ANGPT2: variants seen among roughly 807,000 people sequenced by gnomAD.
ANGPT2 encodes angiopoietin 2.
A neutral mutation model predicts 62.9 loss-of-function variants in ANGPT2; 28 were observed. That is an observed-to-expected ratio of 0.44 (90% CI 0.33 to 0.61). The LOEUF is 0.61. Ranked by LOEUF, ANGPT2 falls within the 20% of genes least tolerant of loss-of-function variation. ANGPT2 has a pLI of 0.03. For missense variants in ANGPT2, 727 were observed against 594.9 expected, an observed-to-expected ratio of 1.22 and a Z score of -2.31; for synonymous variants, 284 against 207.8, an observed-to-expected ratio of 1.37 and a Z score of -3.15.
chr8:6,504,041 G>A lies in ANGPT2; in HGVS notation c.1328-780C>T, dbSNP rs530552842. Among the ~76,000 whole-genome samples the A allele has an allele frequency of 9.2e-5, 14 of 152,324 alleles. No individual in the cohort carries two copies. In the South Asian group the frequency reaches 2.7e-3, roughly 29 times the overall value. ...TAGAAATATTCTATAAGCAGGGGCC[G>A]GGCGCAGTGGCTCACGCCTGTAATC... On this transcript the variant is annotated intron_variant, in intron 8 of 8. Transcript: ENST00000629816.
At chr8:6,508,555 A>C in intron 8 of ANGPT2, 2 of 369,914 alleles carry the variant, frequency 5.4e-6, no homozygotes, top group Non-Finnish European at 9.5e-6. Flanking sequence ...TCTATAATCT[A>C]TATTACTGTT....
chr8:6,508,470 G>C (rs148009730), intron 8 of ANGPT2: 10 of 185,014 alleles, frequency 5.4e-5, no homozygotes, highest in African/African-American at 2.4e-4. Context: ...TGGAGACTGT[G>C]TCTGTAAATA....
At chr8:6,528,817 C>A (rs141137144) in intron 2 of ANGPT2, among the ~76,000 whole-genome samples, 3 of 152,192 alleles carry the variant, frequency 2.0e-5, no homozygotes, top group Non-Finnish European at 4.4e-5. Context: ...TTGCAGGAGC[C>A]TTGGCTGGTC....
rs71213313 is a variant in ANGPT2 at position 6,527,899 on chromosome 8, A to ATTTTTTTTTT, written c.445-233_445-224dup. Among the ~76,000 whole-genome samples the ATTTTTTTTTT allele has an allele frequency of 1.6e-3, 213 of 133,124 alleles. 15 individuals carry two copies. Among genetic ancestry groups the ATTTTTTTTTT allele is most frequent in the South Asian group, 4.0e-3 (16 of 4,040 alleles). The allele number at this position is 133,124 out of a possible 152,430, so 87.3% of individuals were successfully genotyped here. Reference sequence around the variant, plus strand: ...TTTTTACTCTTTTCCCCACGTCTCTATTTTTTTTTTTTTTGAGATGGAATC... The same window carrying ATTTTTTTTTT: ...TTTTTACTCTTTTCCCCACGTCTCTATTTTTTTTTTTTTTTTTTTTTTTTGAGATGGAATC... On this transcript the variant is annotated intron_variant, in intron 2 of 8. Transcript: ENST00000629816.
chr8:6,557,003 C>G (rs985975070), intron 1 of ANGPT2, among the ~76,000 whole-genome samples: 1 of 152,104 alleles, frequency 6.6e-6, no homozygotes, highest in African/African-American at 2.4e-5. Flanking sequence ...TTGCATGGCT[C>G]CTGCCCCAAA....
At chr8:6,506,976 C>G (rs925088659) in intron 8 of ANGPT2, among the ~76,000 whole-genome samples, 2 of 151,950 alleles carry the variant, frequency 1.3e-5, no homozygotes, top group Non-Finnish European at 2.9e-5. Flanking sequence ...CGGCTCATTG[C>G]AAACTCTGTC....
chr8:6,520,981 T>A (rs1817228337), intron 4 of ANGPT2, among the ~76,000 whole-genome samples, 197 bp downstream of exon 4: 1 of 152,200 alleles, frequency 6.6e-6, no homozygotes, highest in Non-Finnish European at 1.5e-5. Context: ...AAAAGTATGC[T>A]TGGGGTGTTT....
chr8:6,505,320 GT>G lies in ANGPT2; in HGVS notation c.1328-2060del, dbSNP rs556583432. On this transcript the variant is annotated intron_variant, in intron 8 of 8. Coordinates refer to ENST00000629816, the MANE Select transcript of ANGPT2 (RefSeq NM_001118887.2). ...ATATATATGTATATAACATATATAT[GT>G]TATATACATATAGAAAGAATATATA... Among the ~76,000 whole-genome samples, 192 of 48,548 alleles carry G rather than the reference GT, an allele frequency of 4.0e-3. 28 individuals carry two copies. Among genetic ancestry groups the G allele is most frequent in the African/African-American group, 0.02 (172 of 8,494 alleles). The allele number at this position is 48,548 out of a possible 152,430, so 31.8% of individuals were successfully genotyped here.
intron 1 of ANGPT2, among the ~76,000 whole-genome samples, chr8:6,533,696 A>G (rs940601601): frequency 1.1e-4 from 16 of 151,282 alleles, no homozygotes; most frequent in Admixed American, 9.3e-4. Flanking sequence ...TGTAACAAAC[A>G]TTGTTTATTA....
rs1292634721 is a variant in ANGPT2 at position 6,502,421 on chromosome 8, G to C, written c.*680C>G. The C allele has an allele frequency of 6.6e-6, 1 of 152,110 alleles. No homozygotes were observed. Among genetic ancestry groups the C allele is most frequent in the Non-Finnish European group, 1.5e-5 (1 of 68,024 alleles). 9.4% of individuals were successfully genotyped at this position (152,110 alleles called of 1,614,324 possible). A position where few individuals can be genotyped will look rare whatever the true frequency, so the allele number is the denominator to read the frequency against. ...TCTGTTGATAATTTCAGAGATTCTG[G>C]AAGTTTCTACCATATAAATTTGAAA... On this transcript the variant is annotated 3_prime_UTR_variant, in exon 9 of 9. Coordinates refer to ENST00000629816, the MANE Select transcript of ANGPT2 (RefSeq NM_001118887.2).
chr8:6,538,358 C>A (rs563280210), intron 1 of ANGPT2, among the ~76,000 whole-genome samples: 1 of 152,220 alleles, frequency 6.6e-6, no homozygotes, highest in Non-Finnish European at 1.5e-5. Context: ...TTGCTGGCCA[C>A]GCATCCCCCA....
intron 1 of ANGPT2, among the ~76,000 whole-genome samples, chr8:6,536,197 C>T (rs1820455175): frequency 6.6e-6 from 1 of 152,048 alleles, no homozygotes; most frequent in Non-Finnish European, 1.5e-5. Context: ...GTATATTTAG[C>T]CCCAGAAACA....
intron 1 of ANGPT2, among the ~76,000 whole-genome samples, chr8:6,544,682 A>G (rs1301793842): frequency 3.3e-5 from 5 of 152,182 alleles, no homozygotes; most frequent in Non-Finnish European, 4.4e-5. Context: ...TCCTCATTCT[A>G]AAGTAATTTT....
In ANGPT2 at chr8:6,499,919, C is replaced by T; in HGVS notation, c.*3182G>A. On this transcript the variant is annotated 3_prime_UTR_variant, in exon 9 of 9. Coordinates refer to ENST00000629816, the MANE Select transcript of ANGPT2 (RefSeq NM_001118887.2). ...CCGTTCGAACTGTCTCACCACTTCC[C>T]TGCAGCTCCCGTAAGTCAGATGTTG... 1.2e-6 allele frequency: 2 copies of T among 1,613,646 alleles called. No homozygotes were observed. Among genetic ancestry groups the T allele is most frequent in the Non-Finnish European group, 1.7e-6 (2 of 1,179,864 alleles).
In ANGPT2 at chr8:6,500,619, C is replaced by A. The variant is rs1231392334; in HGVS notation, c.*2482G>T. 1 of 152,182 alleles carries A rather than the reference C, an allele frequency of 6.6e-6. No individual in the cohort carries two copies. Among genetic ancestry groups the A allele is most frequent in the African/African-American group, 2.4e-5 (1 of 41,408 alleles). 9.4% of individuals were successfully genotyped at this position (152,182 alleles called of 1,614,324 possible). A position where few individuals can be genotyped will look rare whatever the true frequency, so the allele number is the denominator to read the frequency against. Reference sequence around the variant, plus strand: ...ACATAACAAGGAGTTGAACTGTGCTCCCTGATCACTGTAGTTATCTAGGTT... The same window carrying A: ...ACATAACAAGGAGTTGAACTGTGCTACCTGATCACTGTAGTTATCTAGGTT... On this transcript the variant is annotated 3_prime_UTR_variant, in exon 9 of 9. Transcript: ENST00000629816.
chr8:6,525,815 C>G (rs1221679107), intron 3 of ANGPT2, among the ~76,000 whole-genome samples: 1 of 152,122 alleles, frequency 6.6e-6, no homozygotes, highest in Non-Finnish European at 1.5e-5. Flanking sequence ...ATTTCTACAG[C>G]TGATGAGAAA....
chr8:6,523,877 G>T (rs1487195657), intron 3 of ANGPT2, among the ~76,000 whole-genome samples: 1 of 145,908 alleles, frequency 6.9e-6, no homozygotes, highest in Non-Finnish European at 1.5e-5. Flanking sequence ...ATGAGCCACC[G>T]TGCCTGGCTG....
intron 1 of ANGPT2, among the ~76,000 whole-genome samples, chr8:6,537,719 T>G (rs1204767425): frequency 6.6e-6 from 1 of 152,110 alleles, no homozygotes; most frequent in African/African-American, 2.4e-5. Flanking sequence ...TATCTGGCTA[T>G]CTTCCTTCTC....
At chr8:6,530,432 C>T (rs2515472) in intron 2 of ANGPT2, among the ~76,000 whole-genome samples, 27,873 of 150,010 alleles carry the variant, frequency 0.19, 3,345 homozygotes, top group African/African-American at 0.34. Context: ...TCGCTTGAAC[C>T]CGGGAGGTGG....
Sources: allele counts gnomAD v4.1 joint callset (sites outside exome capture counted in the v4.1 genomes callset), GRCh38; gene constraint gnomAD v4.1.1; transcripts MANE v1.5; gene names NCBI Gene and HGNC (gene_info 2026-07-23, HGNC 2026-07-21).